Variants in ZNF560 observed in about 807,000 individuals in gnomAD.
ZNF560 encodes the protein zinc finger protein 560.
In ZNF560, 54 loss-of-function variants were observed where a neutral mutation model predicts 81.8. The ratio of observed to expected loss-of-function variants is 0.66; its 90% CI spans 0.53 to 0.83. The LOEUF is 0.83. ZNF560 is among the 40% of genes least tolerant of loss of function. ZNF560 has a pLI of 0.00. For missense variants in ZNF560, 940 were observed against 932.4 expected (o/e 1.01, Z -0.11); for synonymous variants, 321 against 317.9 (o/e 1.01, Z -0.10).
At position 9,466,476 on chromosome 19, in the gene ZNF560, G is replaced by A; in HGVS notation, c.*98C>T. The A allele has an allele frequency of 9.0e-7, 1 of 1,110,802 alleles. No homozygotes were observed. The highest frequency in any genetic ancestry group is 1.3e-6 in the Non-Finnish European group (1 of 771,372). 68.8% of individuals were successfully genotyped at this position (1,110,802 alleles called of 1,614,324 possible). Reference sequence around the variant, plus strand: ...CAGGCTTTCTCACATTCCTTACATTGATAGTGTTACTTTCTCCTGTGAATT... The same window carrying A: ...CAGGCTTTCTCACATTCCTTACATTAATAGTGTTACTTTCTCCTGTGAATT... On this transcript the variant is annotated 3_prime_UTR_variant, in exon 10 of 10. Coordinates refer to ENST00000301480, the MANE Select transcript of ZNF560 (RefSeq NM_152476.3).
chr19:9,506,219 C>T, the ZNF560 span, among the ~76,000 whole-genome samples: 15,563 of 152,134 alleles, frequency 0.1, 927 homozygotes, highest in South Asian at 0.2. Context: ...TCTCGAACTC[C>T]TGACTTCAGG....
At chr19:9,471,820 C>T (rs898027284) in intron 5 of ZNF560, among the ~76,000 whole-genome samples, 2 of 152,140 alleles carry the variant, frequency 1.3e-5, no homozygotes, top group Non-Finnish European at 2.9e-5. Context: ...TTAAAAAGTT[C>T]CCTCAGAGGG....
the ZNF560 span, among the ~76,000 whole-genome samples, chr19:9,505,807 G>T: frequency 6.6e-6 from 1 of 152,070 alleles, no homozygotes; most frequent in African/African-American, 2.4e-5. Flanking sequence ...GGGACTACAG[G>T]CTTGTGCCAC....
At chr19:9,498,796 G>A (rs1038162509), upstream of ZNF560, 1 of 152,364 alleles carries the variant, frequency 6.6e-6, no homozygotes, top group Non-Finnish European at 1.5e-5. Context: ...AGAGAAAGGT[G>A]GGGGTTAAAT....
chr19:9,482,371 T>C (rs2073303584), intron 2 of ZNF560, among the ~76,000 whole-genome samples: 1 of 148,440 alleles, frequency 6.7e-6, no homozygotes, highest in Admixed American at 6.8e-5. Context: ...CATGTATATA[T>C]ATGTAACAAA....
chr19:9,467,381 C>T lies in ZNF560; in HGVS notation c.1566G>A (p.Gly522=). The T allele has an allele frequency of 6.2e-7, 1 of 1,613,986 alleles. No homozygotes were observed. Among genetic ancestry groups the T allele is most frequent in the Non-Finnish European group, 8.5e-7 (1 of 1,179,978 alleles). ...GEKPFKCYKC[G]KPFTSSACLR... is the part of the protein sequence containing the mutation. ...GACAGGCAGAAGAGGTAAATGGTTT[C>T]CCACATTTGTAACACTTAAAGGGCT... Residue 522 remains glycine (G), a synonymous_variant, in exon 10 of 10, where the codon GGG becomes GGA. Transcript: ENST00000301480.
At chr19:9,470,290 T>C (rs2144689754) in intron 7 of ZNF560, 102 bp downstream of exon 7, 1 of 1,474,700 alleles carries the variant, frequency 6.8e-7, no homozygotes, top group South Asian at 1.4e-5. Flanking sequence ...TGTGTATATA[T>C]CCCACTGTAT....
At chr19:9,446,429 CTTG>C in the ZNF560 span, among the ~76,000 whole-genome samples, 3 of 150,444 alleles carry the variant, frequency 2.0e-5, no homozygotes, top group East Asian at 5.9e-4. Flanking sequence ...GATGCATTCT[CTTG>C]TTACTTCTGG....
In ZNF560 at chr19:9,474,191, A is replaced by T; in HGVS notation, c.157+8T>A. 1 of 1,614,110 alleles carries T rather than the reference A, an allele frequency of 6.2e-7. No homozygotes were observed. The highest frequency in any genetic ancestry group is 1.1e-5 in the South Asian group (1 of 91,090). On this transcript the variant is annotated splice_region_variant and intron_variant, in intron 4 of 9. Transcript: ENST00000301480. ...CTAAGAGGCTGCATAAAATGATGGC[A>T]GTCTTACCTACTTTGGCCACGTTCT...
chr19:9,469,776 A>C, intron 7 of ZNF560, 66 bp from the exon 8 acceptor site: 2 of 1,333,160 alleles, frequency 1.5e-6, no homozygotes, highest in Non-Finnish European at 2.2e-6. Flanking sequence ...TTTTCCATGA[A>C]ACAGGGACTA....
chr19:9,470,566 A>G (rs893170688), intron 6 of ZNF560, 48 bp from the exon 7 acceptor site: 1 of 1,613,876 alleles, frequency 6.2e-7, no homozygotes, highest in Non-Finnish European at 8.5e-7. Flanking sequence ...CATCTCCACC[A>G]ATGTTGGCTG....
At chr19:9,490,733 C>G (rs1490199493) in intron 2 of ZNF560, among the ~76,000 whole-genome samples, 9 of 152,160 alleles carry the variant, frequency 5.9e-5, no homozygotes, top group African/African-American at 2.2e-4. Context: ...CAATGTAAGT[C>G]TTGGAATATT....
the ZNF560 span, among the ~76,000 whole-genome samples, chr19:9,451,853 T>A: frequency 6.6e-6 from 1 of 152,138 alleles, no homozygotes; most frequent in Non-Finnish European, 1.5e-5. Flanking sequence ...GTAAGGAGGA[T>A]AACTTGAGTT....
intron 3 of ZNF560, among the ~76,000 whole-genome samples, chr19:9,474,718 G>T (rs1599658078): frequency 1.3e-5 from 2 of 152,004 alleles, no homozygotes; most frequent in East Asian, 3.9e-4. Context: ...GACTGCAGTG[G>T]TGTGATCATG....
chr19:9,501,156 CTTTTTTTTTTT>C (rs759618635), upstream of ZNF560, among the ~76,000 whole-genome samples: 9 of 106,368 alleles, frequency 8.5e-5, no homozygotes, highest in Non-Finnish European at 1.7e-4. Context: ...TTCTCTTTAG[CTTTTTTTTTTT>C]TTTTTTTTTT....
chr19:9,473,724 C>CTA (rs113690928), intron 4 of ZNF560, among the ~76,000 whole-genome samples: 22,862 of 152,118 alleles, frequency 0.15, 2,563 homozygotes, highest in African/African-American at 0.31. Flanking sequence ...CCAAAATTGG[C>CTA]TCTCTGACCT....
the ZNF560 span, among the ~76,000 whole-genome samples, chr19:9,503,764 G>T: frequency 1.3e-5 from 2 of 152,026 alleles, no homozygotes; most frequent in South Asian, 2.1e-4. Context: ...TCATGAACTC[G>T]CAGCCTCAAG....
chr19:9,447,749 C>T, the ZNF560 span, among the ~76,000 whole-genome samples: 4 of 152,088 alleles, frequency 2.6e-5, no homozygotes, highest in South Asian at 8.3e-4. Flanking sequence ...ACTGGCATTC[C>T]AGGGAGAGAA....
chr19:9,467,814 C>A lies in ZNF560; in HGVS notation c.1133G>T (p.Cys378Phe). Residue 378 changes from cysteine to phenylalanine, a missense_variant, in exon 10 of 10, where the codon TGT (cysteine) becomes TTT (phenylalanine). Physicochemically the swap from Cys to Phe is radical, Grantham distance 205. Transcript: ENST00000301480. ...AGTGAAGGTTTTGCCACAGTGCTTA[C>A]ATTTATAAGGTTTTATCCCAATGTG... ...QTHIGIKPYK[C>F]KHCGKTFTVP... 1 of 1,614,156 alleles carries A rather than the reference C, an allele frequency of 6.2e-7. No homozygotes were observed. Among genetic ancestry groups the A allele is most frequent in the South Asian group, 1.1e-5 (1 of 91,084 alleles).
Sources: gnomAD v4.1 joint callset for allele counts (sites outside exome capture counted in the v4.1 genomes callset) on GRCh38, gnomAD v4.1.1 for gene constraint, MANE v1.5 for transcripts, NCBI Gene and HGNC (gene_info 2026-07-23, HGNC 2026-07-21) for gene names.